The following PCSK6 variants were observed in gnomAD, a reference collection of about 807,000 sequenced individuals.
PCSK6 encodes paired basic amino acid cleaving enzyme 4.
In PCSK6, 85 loss-of-function variants were observed where a neutral mutation model predicts 123.3. That is an observed-to-expected ratio of 0.69 (90% confidence interval 0.58 to 0.83). The LOEUF is 0.83. Ranked by LOEUF, PCSK6 falls within the 40% of genes least tolerant of loss-of-function variation. The pLI is 0.00. For synonymous variants in PCSK6, 508 were observed against 516.0 expected, an observed-to-expected ratio of 0.98 and a Z score of 0.21; for missense variants, 1,191 against 1,282.3, an observed-to-expected ratio of 0.93 and a Z score of 1.09.
intron 13 of PCSK6, among the ~76,000 whole-genome samples, chr15:101,362,177 C>T (rs7165568): frequency 0.19 from 29,239 of 151,934 alleles, 3,034 homozygotes; most frequent in South Asian, 0.36. Context: ...AGGATGGTCT[C>T]GATCTCCTGA....
intron 17 of PCSK6, 44 bp from the exon 18 acceptor site, chr15:101,322,651 G>A (rs766756964): frequency 2.4e-6 from 3 of 1,259,738 alleles, no homozygotes; most frequent in Non-Finnish European, 3.5e-6. Flanking sequence ...GGACGACACT[G>A]ACAGGAATGA....
intron 8 of PCSK6, among the ~76,000 whole-genome samples, chr15:101,392,083 C>T (rs1249032315): frequency 6.6e-6 from 1 of 152,182 alleles, no homozygotes; most frequent in Non-Finnish European, 1.5e-5. Context: ...ATAAACTGTC[C>T]CATAACTTAG....
At chr15:101,422,623 CTTT>C (rs5815013) in intron 6 of PCSK6, among the ~76,000 whole-genome samples, 3 of 144,916 alleles carry the variant, frequency 2.1e-5, no homozygotes, top group African/African-American at 5.1e-5. Context: ...TAGAACGAAA[CTTT>C]TTTTTTTTTT....
At chr15:101,476,169 T>A (rs1342528003) in intron 1 of PCSK6, among the ~76,000 whole-genome samples, 1 of 152,004 alleles carries the variant, frequency 6.6e-6, no homozygotes, top group Non-Finnish European at 1.5e-5. Context: ...CCCCATAGAG[T>A]TTCTAAGATT....
chr15:101,414,886 A>G (rs1567204063), intron 6 of PCSK6, among the ~76,000 whole-genome samples: 1 of 152,226 alleles, frequency 6.6e-6, no homozygotes, highest in Non-Finnish European at 1.5e-5. Flanking sequence ...ATTGTGTTAA[A>G]ATATAAATCC....
At chr15:101,411,716 C>T (rs56351191) in intron 6 of PCSK6, among the ~76,000 whole-genome samples, 12,373 of 152,252 alleles carry the variant, frequency 0.081, 645 homozygotes, top group East Asian at 0.17. Flanking sequence ...GGTACCACCC[C>T]GACCTATGGC....
intron 4 of PCSK6, among the ~76,000 whole-genome samples, chr15:101,430,499 G>A (rs748793615): frequency 6.6e-5 from 10 of 152,196 alleles, no homozygotes; most frequent in South Asian, 2.1e-4. Context: ...TTCGCATAAC[G>A]TCCAAGGTTT....
chr15:101,390,010 C>T (rs2042178882), intron 8 of PCSK6, among the ~76,000 whole-genome samples: 1 of 152,214 alleles, frequency 6.6e-6, no homozygotes, highest in East Asian at 1.9e-4. Context: ...AAGTCACCCC[C>T]TGACTTCAGA....
At chr15:101,328,614 C>G (rs1347128799) in intron 15 of PCSK6, among the ~76,000 whole-genome samples, 3 of 152,092 alleles carry the variant, frequency 2.0e-5, no homozygotes, top group Admixed American at 2.0e-4. Context: ...CTTCACACCC[C>G]CCACCCCTGT....
At chr15:101,426,157 T>A (rs945870773) in intron 6 of PCSK6, among the ~76,000 whole-genome samples, 2 of 152,172 alleles carry the variant, frequency 1.3e-5, no homozygotes, top group African/African-American at 4.8e-5. Context: ...ATTCTCCCAC[T>A]GAGAGTCTCA....
Position 101,489,551 on chromosome 15 carries a change from C to T in PCSK6, c.120G>A (p.Gly40=). 3.0e-6 allele frequency: 3 copies of T among 984,676 alleles called. No homozygotes were observed. Among genetic ancestry groups the T allele is most frequent in the Non-Finnish European group, 3.6e-6 (3 of 832,586 alleles). 61.0% of individuals were successfully genotyped at this position (984,676 alleles called of 1,614,324 possible). ...AGGGACGCGGCGCGAGCGGCCGGAA[C>T]CCGGGCCCGCCGGCGCCCCCCGCGC... ...AGGAGGAGGP[G]FRPLAPRPWR... Residue 40 remains glycine (G), a synonymous_variant, in exon 1 of 22, where the codon GGG becomes GGA. Coordinates refer to ENST00000611716, the MANE Select transcript of PCSK6 (RefSeq NM_002570.5).
At chr15:101,457,070 G>A (rs2057204145) in intron 1 of PCSK6, among the ~76,000 whole-genome samples, 2 of 152,174 alleles carry the variant, frequency 1.3e-5, no homozygotes, top group Admixed American at 6.5e-5. Flanking sequence ...CTACTTGGGA[G>A]GCTGAGGCAG....
intron 9 of PCSK6, among the ~76,000 whole-genome samples, chr15:101,384,896 C>T (rs1256539751): frequency 6.6e-6 from 1 of 152,198 alleles, no homozygotes; most frequent in Non-Finnish European, 1.5e-5. Flanking sequence ...ATATATGATT[C>T]TAAATTTGCA....
At chr15:101,363,146 T>TC (rs2041285109) in intron 13 of PCSK6, among the ~76,000 whole-genome samples, 1 of 151,998 alleles carries the variant, frequency 6.6e-6, no homozygotes, top group African/African-American at 2.4e-5. Context: ...GTTGGCCTAA[T>TC]AGGAAGGGGA....
chr15:101,340,706 A>G (rs1366780396), intron 13 of PCSK6, among the ~76,000 whole-genome samples: 1 of 152,052 alleles, frequency 6.6e-6, no homozygotes, highest in African/African-American at 2.4e-5. Context: ...TGTCTCACCT[A>G]GGAAGCTGAG....
intron 1 of PCSK6, among the ~76,000 whole-genome samples, chr15:101,482,458 G>A (rs978936118): frequency 6.6e-6 from 1 of 152,220 alleles, no homozygotes; most frequent in Non-Finnish European, 1.5e-5. Flanking sequence ...GAGGAGGAGA[G>A]GTGTCGGCAG....
intron 20 of PCSK6, among the ~76,000 whole-genome samples, chr15:101,310,914 G>A (rs1001326481): frequency 5.9e-5 from 9 of 152,234 alleles, no homozygotes; most frequent in Admixed American, 5.2e-4. Context: ...TTTTTCAGAC[G>A]GAAGCCCCCC....
intron 6 of PCSK6, among the ~76,000 whole-genome samples, chr15:101,405,966 C>T (rs1410517762): frequency 6.6e-6 from 1 of 152,172 alleles, no homozygotes; most frequent in Non-Finnish European, 1.5e-5. Context: ...TGGTCTCAAA[C>T]CCCTGACCTC....
At chr15:101,335,945 C>G (rs925322291) in intron 13 of PCSK6, among the ~76,000 whole-genome samples, 1 of 152,292 alleles carries the variant, frequency 6.6e-6, no homozygotes, top group East Asian at 1.9e-4. Context: ...AACTGTAACA[C>G]AATGATAAGT....
Sources: gnomAD v4.1 joint callset for allele counts (sites outside exome capture counted in the v4.1 genomes callset) on GRCh38, gnomAD v4.1.1 for gene constraint, MANE v1.5 for transcripts, NCBI Gene and HGNC (gene_info 2026-07-23, HGNC 2026-07-21) for gene names.